The following LIMCH1 variants were observed in gnomAD, a reference collection of about 807,000 sequenced individuals.
LIMCH1 encodes LIM and calponin homology domains 1.
Under a neutral mutation model 176.5 loss-of-function variants are expected in LIMCH1, and 113 were observed. That is an observed-to-expected ratio of 0.64 (90% confidence interval 0.55 to 0.75). The LOEUF is 0.75. LIMCH1 is among the 30% of genes least tolerant of loss of function. The pLI is 0.00. For synonymous variants in LIMCH1, 619 were observed against 645.9 expected (o/e 0.96, Z 0.63); for missense variants, 1,674 against 1,814.9 (o/e 0.92, Z 1.41).
At chr4:41,526,588 A>G (rs1211280605) in intron 3 of LIMCH1, among the ~76,000 whole-genome samples, 2 of 152,044 alleles carry the variant, frequency 1.3e-5, no homozygotes, top group Admixed American at 1.3e-4. Context: ...CTCCCTCTCT[A>G]TGCTCATATT....
chr4:41,639,870 A>T (rs932918211), intron 14 of LIMCH1, among the ~76,000 whole-genome samples: 5 of 152,182 alleles, frequency 3.3e-5, no homozygotes, highest in African/African-American at 1.2e-4. Context: ...CCAGAATGTA[A>T]TCACCAGTCC....
At position 41,666,541 on chromosome 4, in the gene LIMCH1, A is replaced by G. The variant is rs756943025; in HGVS notation, c.3292-20A>G. On this transcript the variant is annotated intron_variant, in intron 20 of 31. Coordinates refer to ENST00000503057, the MANE Select transcript of LIMCH1 (RefSeq NM_001330672.2). ...AATGGACAGTTCTTGCAATATTTATACCTGTTTTCCATTGTCCAGGTGGTA... is the reference window on the plus strand; with the variant it reads ...AATGGACAGTTCTTGCAATATTTATGCCTGTTTTCCATTGTCCAGGTGGTA... 2.6e-6 allele frequency: 4 copies of G among 1,517,016 alleles called. No individual in the cohort carries two copies. The highest frequency in any genetic ancestry group is 1.7e-5 in the Admixed American group (1 of 59,786). 94.0% of individuals were successfully genotyped at this position (1,517,016 alleles called of 1,614,324 possible). A position where few individuals can be genotyped will look rare whatever the true frequency, so the allele number is the denominator to read the frequency against.
chr4:41,545,708 T>G (rs558971617), intron 1 of LIMCH1, among the ~76,000 whole-genome samples: 38 of 152,350 alleles, frequency 2.5e-4, no homozygotes, highest in Middle Eastern at 3.4e-3. Context: ...TGAGTGATCA[T>G]CTCTTATGGT....
Position 41,650,545 on chromosome 4 carries a change from A to G in LIMCH1, c.2973A>G (p.Lys991=), listed in dbSNP as rs1159983356. The G allele has an allele frequency of 6.2e-7, 1 of 1,614,090 alleles. No homozygotes were observed. Among genetic ancestry groups the G allele is most frequent in the Admixed American group, 1.7e-5 (1 of 60,010 alleles). Residue 991 remains lysine, a synonymous_variant, in exon 18 of 32, where the codon AAA becomes AAG. Coordinates refer to ENST00000503057, the MANE Select transcript of LIMCH1 (RefSeq NM_001330672.2). ...ARVHGSPLEL[K]QDNGSIEINI... ...TGCACGGGTCTCCACTGGAGCTGAA[A>G]CAAGACAACGGTAGCATCGAGATCA...
At chr4:41,542,032 G>A (rs1348189964) in intron 1 of LIMCH1, among the ~76,000 whole-genome samples, 1 of 152,138 alleles carries the variant, frequency 6.6e-6, no homozygotes, top group Non-Finnish European at 1.5e-5. Flanking sequence ...TGTGGACTGC[G>A]TCTGTGTTTG....
chr4:41,588,314 G>C (rs181930624), intron 1 of LIMCH1, among the ~76,000 whole-genome samples: 1 of 152,342 alleles, frequency 6.6e-6, no homozygotes, highest in East Asian at 1.9e-4. Context: ...AATGACATCT[G>C]TGAGTGAGCA....
At chr4:41,436,521 C>T (rs1386869630) in intron 1 of LIMCH1, among the ~76,000 whole-genome samples, 3 of 152,186 alleles carry the variant, frequency 2.0e-5, no homozygotes, top group Admixed American at 2.0e-4. Context: ...CTGACATTGT[C>T]ATTGTGCTAT....
At chr4:41,598,454 G>A (rs1052415381) in intron 1 of LIMCH1, among the ~76,000 whole-genome samples, 2 of 151,564 alleles carry the variant, frequency 1.3e-5, no homozygotes, top group African/African-American at 4.9e-5. Context: ...CCTAAAGGAT[G>A]TAAAATACAT....
At chr4:41,624,132 G>A (rs1292546779) in intron 7 of LIMCH1, among the ~76,000 whole-genome samples, 2 of 152,126 alleles carry the variant, frequency 1.3e-5, no homozygotes, top group Non-Finnish European at 2.9e-5. Context: ...TTTACTTGGT[G>A]TTTCCCATTG....
chr4:41,450,201 A>G (rs1561409587), intron 1 of LIMCH1, among the ~76,000 whole-genome samples: 1 of 152,176 alleles, frequency 6.6e-6, no homozygotes, highest in Non-Finnish European at 1.5e-5. Context: ...GATTTGATAC[A>G]CTTATAATGT....
At chr4:41,392,989 C>T (rs565254590) in intron 1 of LIMCH1, among the ~76,000 whole-genome samples, 81 of 152,106 alleles carry the variant, frequency 5.3e-4, no homozygotes, top group African/African-American at 1.9e-3. Context: ...AAGATCGCGC[C>T]GCTGCACTCC....
At chr4:41,547,946 A>G (rs1003666706) in intron 1 of LIMCH1, among the ~76,000 whole-genome samples, 1 of 145,050 alleles carries the variant, frequency 6.9e-6, no homozygotes, top group Non-Finnish European at 1.5e-5. Context: ...GAAAAAGATG[A>G]CTATAGTAAT....
At chr4:41,603,349 T>C (rs1317490246) in intron 2 of LIMCH1, among the ~76,000 whole-genome samples, 1 of 152,218 alleles carries the variant, frequency 6.6e-6, no homozygotes, top group East Asian at 1.9e-4. Flanking sequence ...AACAGGCATA[T>C]TTTCCTGCTT....
intron 1 of LIMCH1, among the ~76,000 whole-genome samples, chr4:41,375,347 A>G (rs1561168189): frequency 6.6e-6 from 1 of 152,094 alleles, no homozygotes; most frequent in Non-Finnish European, 1.5e-5. Context: ...CCCAACCCAT[A>G]CCTAATGGGT....
chr4:41,395,433 G>A (rs1248778940), intron 1 of LIMCH1, among the ~76,000 whole-genome samples: 1 of 150,864 alleles, frequency 6.6e-6, no homozygotes, highest in African/African-American at 2.4e-5. Flanking sequence ...AGTAGAGGTG[G>A]GGTTTCACCA....
chr4:41,363,934 C>T (rs998060534), intron 1 of LIMCH1, among the ~76,000 whole-genome samples: 2 of 152,154 alleles, frequency 1.3e-5, no homozygotes, highest in Non-Finnish European at 2.9e-5. Flanking sequence ...TAACTTCTTT[C>T]CATACTACTT....
At chr4:41,609,505 T>A (rs561804177) in intron 4 of LIMCH1, 30 of 381,492 alleles carry the variant, frequency 7.9e-5, no homozygotes, top group African/African-American at 5.6e-4. Flanking sequence ...TAAAGCCCTC[T>A]AGATCAGGGT....
chr4:41,399,768 G>GC (rs1175504756), intron 1 of LIMCH1, among the ~76,000 whole-genome samples: 1 of 129,910 alleles, frequency 7.7e-6, no homozygotes, highest in Non-Finnish European at 1.5e-5. Flanking sequence ...CTCAACCTCT[G>GC]CCTCCTGGGT....
intron 12 of LIMCH1, 138 bp from the exon 13 acceptor site, chr4:41,633,410 C>T: frequency 9.8e-7 from 1 of 1,018,062 alleles, no homozygotes; most frequent in Non-Finnish European, 1.4e-6. Flanking sequence ...GGGAGATTTC[C>T]TGCTCAGCTG....
Sources: gnomAD v4.1 joint callset for allele counts (sites outside exome capture counted in the v4.1 genomes callset) on GRCh38, gnomAD v4.1.1 for gene constraint, MANE v1.5 for transcripts, NCBI Gene and HGNC (gene_info 2026-07-23, HGNC 2026-07-21) for gene names.